Variants in RBFOX3 observed in about 807,000 individuals in gnomAD.
The protein encoded by RBFOX3 is RNA binding protein fox-1 homolog 3.
Under a neutral mutation model 48.7 loss-of-function variants are expected in RBFOX3, and 17 were observed. The observed-to-expected ratio is 0.35, with a 90% confidence interval of 0.24 to 0.52. RBFOX3 has a LOEUF of 0.52. Ranked by LOEUF, RBFOX3 falls within the 20% of genes least tolerant of loss-of-function variation. The pLI is 0.94. For missense variants in RBFOX3, 382 were observed against 497.5 expected (o/e 0.77, Z 2.21); for synonymous variants, 212 against 209.5 (o/e 1.01, Z -0.10).
intron 4 of RBFOX3, among the ~76,000 whole-genome samples, chr17:79,119,625 G>A (rs1340985153): frequency 6.6e-6 from 1 of 152,186 alleles, no homozygotes; most frequent in Non-Finnish European, 1.5e-5. Flanking sequence ...CCTGGTGACT[G>A]TCTGTCCTCT....
Position 79,478,609 on chromosome 17 carries a change from A to G in RBFOX3, c.-175+3845T>C, listed in dbSNP as rs1029676115. On this transcript the variant is annotated intron_variant, in intron 2 of 14. Coordinates refer to ENST00000693108, the MANE Select transcript of RBFOX3 (RefSeq NM_001350451.2). ...CTGTGTGACCCCAACAACGAACAGC[A>G]ATGTGGTTTAGGAAAATTCAGGTTA... is the stretch of plus-strand genomic sequence containing the variant. 7.0e-4 allele frequency among the ~76,000 whole-genome samples: 107 copies of G among 152,302 alleles called. 1 individual carries two copies. The South Asian group carries it at 0.021, about 30-fold the overall frequency.
At chr17:79,108,417 G>A (rs1042854257) in intron 5 of RBFOX3, among the ~76,000 whole-genome samples, 16 of 152,366 alleles carry the variant, frequency 1.1e-4, no homozygotes, top group African/African-American at 3.8e-4. Context: ...CTCCAGCTAG[G>A]CGAAGCACCT....
intron 6 of RBFOX3, among the ~76,000 whole-genome samples, chr17:79,104,415 C>T (rs937417815): frequency 1.3e-5 from 2 of 152,064 alleles, no homozygotes; most frequent in South Asian, 2.1e-4. Flanking sequence ...CCTGGAGGCC[C>T]GTGTCTCCCT....
chr17:79,547,646 G>A (rs542400486), intron 1 of RBFOX3, among the ~76,000 whole-genome samples: 40 of 152,228 alleles, frequency 2.6e-4, no homozygotes, highest in African/African-American at 9.4e-4. Flanking sequence ...TCACTTTCGG[G>A]GAACATCCAC....
intron 1 of RBFOX3, among the ~76,000 whole-genome samples, chr17:79,548,382 C>T (rs768478643): frequency 4.1e-4 from 62 of 152,346 alleles, no homozygotes; most frequent in Non-Finnish European, 4.4e-4. Context: ...TCCCGAGGCT[C>T]GGAGGTCCAA....
intron 1 of RBFOX3, among the ~76,000 whole-genome samples, chr17:79,542,896 T>C (rs1224580358): frequency 6.6e-6 from 1 of 152,208 alleles, no homozygotes; most frequent in African/African-American, 2.4e-5. Flanking sequence ...GTATAAGGGA[T>C]TATCAGTCAC....
At chr17:79,587,981 G>A (rs2093306425) in intron 1 of RBFOX3, among the ~76,000 whole-genome samples, 2 of 152,176 alleles carry the variant, frequency 1.3e-5, no homozygotes, top group South Asian at 2.1e-4. Flanking sequence ...GGACACAGAG[G>A]CATGCCACCA....
At chr17:79,226,048 AG>A (rs1425805646) in intron 4 of RBFOX3, among the ~76,000 whole-genome samples, 2 of 152,224 alleles carry the variant, frequency 1.3e-5, no homozygotes, top group South Asian at 2.1e-4. Context: ...AGGCCCAAAG[AG>A]GGGGCTCTGA....
intron 4 of RBFOX3, among the ~76,000 whole-genome samples, chr17:79,149,055 A>G (rs2043699052): frequency 6.6e-6 from 1 of 152,172 alleles, no homozygotes; most frequent in African/African-American, 2.4e-5. Flanking sequence ...TGCAGCTCCC[A>G]CCACTGACGA....
At chr17:79,578,024 C>T (rs2092920889) in intron 1 of RBFOX3, among the ~76,000 whole-genome samples, 1 of 152,372 alleles carries the variant, frequency 6.6e-6, no homozygotes, top group Admixed American at 6.5e-5. Context: ...GCTGTCCCTC[C>T]ACCTGGCCCC....
intron 4 of RBFOX3, among the ~76,000 whole-genome samples, chr17:79,216,668 C>T (rs2059096906): frequency 6.6e-6 from 1 of 152,180 alleles, no homozygotes; most frequent in Non-Finnish European, 1.5e-5. Context: ...GGTCACATGC[C>T]CACCCGTTCT....
At chr17:79,422,409 C>A (rs1430845182) in intron 2 of RBFOX3, among the ~76,000 whole-genome samples, 1 of 152,008 alleles carries the variant, frequency 6.6e-6, no homozygotes, top group Non-Finnish European at 1.5e-5. Flanking sequence ...CCCGGCCCTC[C>A]ACTCCCAGGC....
chr17:79,624,604 G>T, the RBFOX3 span, among the ~76,000 whole-genome samples: 1 of 152,260 alleles, frequency 6.6e-6, no homozygotes, highest in Non-Finnish European at 1.5e-5. Flanking sequence ...TCACCCTGGT[G>T]CCTAGCACCA....
At chr17:79,255,058 C>T (rs890855985) in intron 3 of RBFOX3, among the ~76,000 whole-genome samples, 3 of 152,256 alleles carry the variant, frequency 2.0e-5, no homozygotes, top group South Asian at 4.1e-4. Flanking sequence ...GGGCCTGTAT[C>T]TGCTTGGCCT....
At chr17:79,345,992 C>G (rs1321740286) in intron 2 of RBFOX3, among the ~76,000 whole-genome samples, 1 of 152,124 alleles carries the variant, frequency 6.6e-6, no homozygotes, top group Non-Finnish European at 1.5e-5. Flanking sequence ...GTGATCTTGG[C>G]TCACTGCAAT....
chr17:79,489,231 C>G (rs1387621266), intron 1 of RBFOX3, among the ~76,000 whole-genome samples: 1 of 107,646 alleles, frequency 9.3e-6, no homozygotes, highest in Non-Finnish European at 1.8e-5. Flanking sequence ...TCTAGTCCTG[C>G]CAGAAAGTTA....
chr17:79,226,448 G>A (rs532375450), intron 4 of RBFOX3, among the ~76,000 whole-genome samples: 1 of 152,320 alleles, frequency 6.6e-6, no homozygotes, highest in South Asian at 2.1e-4. Context: ...GGTATTCACG[G>A]GGAGGTGGGG....
At chr17:79,122,263 TG>T (rs1305155757) in intron 4 of RBFOX3, among the ~76,000 whole-genome samples, 1 of 152,118 alleles carries the variant, frequency 6.6e-6, no homozygotes, top group Non-Finnish European at 1.5e-5. Flanking sequence ...ACTTCCTCCC[TG>T]GCTCCTACAC....
At chr17:79,346,693 A>C (rs1009632565) in intron 2 of RBFOX3, among the ~76,000 whole-genome samples, 1 of 152,214 alleles carries the variant, frequency 6.6e-6, no homozygotes, top group Admixed American at 6.5e-5. Flanking sequence ...ATGACATTTT[A>C]ATGATATAAA....
Sources: gnomAD v4.1 joint callset for allele counts (sites outside exome capture counted in the v4.1 genomes callset) on GRCh38, gnomAD v4.1.1 for gene constraint, MANE v1.5 for transcripts, NCBI Gene and HGNC (gene_info 2026-07-23, HGNC 2026-07-21) for gene names.